NPTN: variants seen among roughly 807,000 people sequenced by gnomAD.
NPTN encodes the protein SDR-1.
Under a neutral mutation model 42.7 loss-of-function variants are expected in NPTN, and 5 were observed. The ratio of observed to expected loss-of-function variants is 0.12; its 90% CI spans 0.06 to 0.25. The LOEUF (loss-of-function observed/expected upper bound fraction) is 0.25. Among genes scored for constraint, NPTN ranks in the 10% least tolerant of loss-of-function variants. NPTN has a pLI of 1.00. For synonymous variants in NPTN, 180 were observed against 201.9 expected, an observed-to-expected ratio of 0.89 and a Z score of 0.92; for missense variants, 307 against 525.4, an observed-to-expected ratio of 0.58 and a Z score of 4.06.
intron 1 of NPTN, among the ~76,000 whole-genome samples, chr15:73,614,438 T>C (rs1025684682): frequency 3.3e-5 from 5 of 152,248 alleles, no homozygotes; most frequent in African/African-American, 1.2e-4. Flanking sequence ...GGACAATTTC[T>C]AAGGTCCTTT....
At chr15:73,598,568 C>A (rs1206148174) in intron 1 of NPTN, among the ~76,000 whole-genome samples, 1 of 152,118 alleles carries the variant, frequency 6.6e-6, no homozygotes, top group Non-Finnish European at 1.5e-5. Flanking sequence ...TACCCTTCCA[C>A]CCCACCTAGG....
intron 1 of NPTN, among the ~76,000 whole-genome samples, chr15:73,608,118 G>A (rs1897375490): frequency 6.6e-6 from 1 of 152,140 alleles, no homozygotes; most frequent in African/African-American, 2.4e-5. Context: ...TCAAAACAAT[G>A]ACTTTTATCT....
Position 73,560,033 on chromosome 15 carries a change from ATTT to A in NPTN, c.*1027_*1029del. On this transcript the variant is annotated 3_prime_UTR_variant, in exon 9 of 9. Coordinates refer to ENST00000345330, the MANE Select transcript of NPTN (RefSeq NM_012428.4). ...TCCAAACACCTTTTATCAATGTTTT[ATTT>A]TTAAAAACAGGTGAATCCACTTTTT... 1 of 1,015,790 alleles carries A rather than the reference ATTT, an allele frequency of 9.8e-7. No individual in the cohort carries two copies. Among genetic ancestry groups the A allele is most frequent in the Non-Finnish European group, 1.4e-6 (1 of 728,072 alleles). 62.9% of individuals were successfully genotyped at this position (1,015,790 alleles called of 1,614,324 possible). A position where few individuals can be genotyped will look rare whatever the true frequency, so the allele number is the denominator to read the frequency against.
chr15:73,630,076 T>C (rs958104984), intron 1 of NPTN, among the ~76,000 whole-genome samples: 2 of 152,188 alleles, frequency 1.3e-5, no homozygotes, highest in African/African-American at 4.8e-5. Flanking sequence ...TAAAAAATAA[T>C]GCTCCTTTTT....
In NPTN at chr15:73,597,945, C is replaced by G. The variant is rs748923852; in HGVS notation, c.92-576G>C. On this transcript the variant is annotated intron_variant, in intron 1 of 8. Coordinates refer to ENST00000345330, the MANE Select transcript of NPTN (RefSeq NM_012428.4). This position sits in a 1 kb window ranked among gnomAD's most constrained non-coding sequence, Gnocchi z 6.3. ...TTTCAACTGAAAGAGTAGCAAATTTCTCTCTCACACAGGATTCTATCCTGG... is the reference window on the plus strand; with the variant it reads ...TTTCAACTGAAAGAGTAGCAAATTTGTCTCTCACACAGGATTCTATCCTGG... 6.6e-6 allele frequency among the ~76,000 whole-genome samples: 1 copy of G among 152,202 alleles called. No individual in the cohort carries two copies. Among genetic ancestry groups the G allele is most frequent in the Non-Finnish European group, 1.5e-5 (1 of 68,040 alleles).
intron 1 of NPTN, among the ~76,000 whole-genome samples, chr15:73,610,084 CT>C (rs879423213): frequency 4.5e-4 from 68 of 149,454 alleles, no homozygotes; most frequent in African/African-American, 1.5e-3. Context: ...CTACTTTTTA[CT>C]TTTTTTTTTC....
rs1329526318 is a variant in NPTN, at chr15:73,578,474, T to C, written c.707-4679A>G. Among the ~76,000 whole-genome samples the C allele has an allele frequency of 2.6e-5, 4 of 152,110 alleles. No individual in the cohort carries two copies. In the East Asian group the frequency reaches 7.7e-4, roughly 29 times the overall value. On this transcript the variant is annotated intron_variant, in intron 4 of 8. Transcript: ENST00000345330. ...TTGCTAATAGATTGAATGTGGACTG[T>C]GAGAAGAAAAGGAGTCAAGGATGAC... is the stretch of plus-strand genomic sequence containing the variant.
chr15:73,580,530 T>C (rs1447249558), intron 4 of NPTN, among the ~76,000 whole-genome samples: 3 of 141,440 alleles, frequency 2.1e-5, no homozygotes, highest in Admixed American at 7.4e-5. Context: ...TAGTTATATA[T>C]GTATATATTT....
intron 1 of NPTN, among the ~76,000 whole-genome samples, chr15:73,612,660 C>G (rs995616014): frequency 6.6e-6 from 1 of 152,084 alleles, no homozygotes; most frequent in Admixed American, 6.5e-5. Flanking sequence ...GTCTCAGCTA[C>G]GTGGGAGGCT....
chr15:73,586,064 G>A (rs1336907164), intron 4 of NPTN, among the ~76,000 whole-genome samples: 2 of 152,142 alleles, frequency 1.3e-5, no homozygotes, highest in South Asian at 4.1e-4. Context: ...AGTCACTAAC[G>A]ATTACAGTTA....
At chr15:73,628,958 G>T (rs1028688799) in intron 1 of NPTN, among the ~76,000 whole-genome samples, 1 of 152,186 alleles carries the variant, frequency 6.6e-6, no homozygotes, top group African/African-American at 2.4e-5. Flanking sequence ...AGTCAGACCT[G>T]TAATGAATTC....
At chr15:73,612,408 A>C (rs991148155) in intron 1 of NPTN, among the ~76,000 whole-genome samples, 6 of 141,858 alleles carry the variant, frequency 4.2e-5, no homozygotes, top group Non-Finnish European at 7.6e-5. Context: ...CCACAGAGCG[A>C]GATCCTGTCT....
At chr15:73,566,120 A>T (rs988971734) in intron 6 of NPTN, among the ~76,000 whole-genome samples, 1 of 152,128 alleles carries the variant, frequency 6.6e-6, no homozygotes, top group African/African-American at 2.4e-5. Context: ...GTCCTATTGC[A>T]TTTTCTCCAT....
intron 1 of NPTN, among the ~76,000 whole-genome samples, chr15:73,620,556 T>C (rs1898083843): frequency 1.3e-5 from 2 of 152,216 alleles, no homozygotes; most frequent in African/African-American, 4.8e-5. Context: ...CAGTAAAGAA[T>C]TGTCCCGCTT....
At position 73,601,479 on chromosome 15, in the gene NPTN, T is replaced by TCAGCAG. The variant is rs879581984; in HGVS notation, c.92-4116_92-4111dup. Reference sequence around the variant, plus strand: ...TTCAATTCAGGAAAAGAACTGGCTCTCAGCAGCAGCAGCAGGAGGTTCAGA... The same window carrying TCAGCAG: ...TTCAATTCAGGAAAAGAACTGGCTCTCAGCAGCAGCAGCAGCAGCAGGAGGTTCAGA... On this transcript the variant is annotated intron_variant, in intron 1 of 8. Transcript: ENST00000345330. 3.9e-5 allele frequency among the ~76,000 whole-genome samples: 6 copies of TCAGCAG among 152,168 alleles called. No homozygotes were observed. In the South Asian group the frequency reaches 1.2e-3, roughly 31 times the overall value.
intron 6 of NPTN, among the ~76,000 whole-genome samples, chr15:73,565,112 C>T (rs1406588712): frequency 1.3e-5 from 2 of 152,166 alleles, no homozygotes; most frequent in Non-Finnish European, 2.9e-5. Context: ...GGTGTTTTAG[C>T]GACAGTGCCT....
At chr15:73,567,287 T>G in intron 6 of NPTN, 1 of 985,308 alleles carries the variant, frequency 1.0e-6, no homozygotes, top group Non-Finnish European at 1.2e-6. Context: ...GATAATAAAG[T>G]GCTATTTGGC....
chr15:73,624,619 T>A (rs1350640603), intron 1 of NPTN, among the ~76,000 whole-genome samples: 1 of 151,680 alleles, frequency 6.6e-6, no homozygotes, highest in Admixed American at 6.6e-5. Flanking sequence ...TAGGAAATAA[T>A]CCCACTACTC....
chr15:73,565,981 C>T (rs1028365155), intron 6 of NPTN, among the ~76,000 whole-genome samples: 2 of 152,182 alleles, frequency 1.3e-5, no homozygotes, highest in African/African-American at 2.4e-5. Context: ...GTCAAAGGTC[C>T]TTTGTCACTG....
Sources: gnomAD v4.1 joint callset for allele counts (sites outside exome capture counted in the v4.1 genomes callset) on GRCh38, gnomAD v4.1.1 for gene constraint, Gnocchi (gnomAD v3.1) non-coding constraint, MANE v1.5 for transcripts, NCBI Gene and HGNC (gene_info 2026-07-23, HGNC 2026-07-21) for gene names.